The following TGFB2 variants were observed in gnomAD, a reference collection of about 807,000 sequenced individuals.
The protein encoded by TGFB2 is transforming growth factor beta 2.
A neutral mutation model predicts 42.7 loss-of-function variants in TGFB2; 13 were observed. The observed-to-expected ratio is 0.30, with a 90% CI of 0.20 to 0.48. The LOEUF (loss-of-function observed/expected upper bound fraction) is 0.48, where lower values mean the gene tolerates loss of function less well. Ranked by LOEUF, TGFB2 falls within the 20% of genes least tolerant of loss-of-function variation. The pLI is 0.99. For synonymous variants in TGFB2, 193 were observed against 193.6 expected (o/e 1.00, Z 0.03); for missense variants, 390 against 517.5 (o/e 0.75, Z 2.39).
At chr1:218,437,212 A>T in intron 5 of TGFB2, 131 bp from the exon 6 acceptor site, 1 of 908,024 alleles carries the variant, frequency 1.1e-6, no homozygotes, top group Non-Finnish European at 1.6e-6. Context: ...CTGGCCCATG[A>T]TATTTGCTCA....
chr1:218,348,080 A>AAAG (rs1553292334), intron 1 of TGFB2, among the ~76,000 whole-genome samples: 156 of 152,054 alleles, frequency 1.0e-3, no homozygotes, highest in African/African-American at 3.7e-3. Context: ...AAAAAGAAAA[A>AAAG]AAAGAAAGAA....
intron 1 of TGFB2, among the ~76,000 whole-genome samples, chr1:218,398,057 G>A (rs530920521): frequency 6.6e-6 from 1 of 152,214 alleles, no homozygotes; most frequent in African/African-American, 2.4e-5. Flanking sequence ...AAACACTAAA[G>A]CCTCCTTCTT....
intron 6 of TGFB2, 30 bp from the exon 7 acceptor site, chr1:218,441,174 T>C (rs975302232): frequency 2.5e-6 from 4 of 1,580,006 alleles, no homozygotes; most frequent in Non-Finnish European, 2.6e-6. Context: ...TCTTTCCCTA[T>C]GTTGTCTCTC....
At chr1:218,418,819 C>T (rs1422428496) in intron 2 of TGFB2, among the ~76,000 whole-genome samples, 1 of 152,156 alleles carries the variant, frequency 6.6e-6, no homozygotes, top group East Asian at 1.9e-4. Flanking sequence ...GCTACACAAG[C>T]TCTCTCTCTT....
intron 1 of TGFB2, among the ~76,000 whole-genome samples, chr1:218,355,893 A>G (rs1657016707): frequency 6.6e-6 from 1 of 152,242 alleles, no homozygotes; most frequent in African/African-American, 2.4e-5. Flanking sequence ...TGGATTTTAG[A>G]AATAATAGAA....
At chr1:218,433,429 G>A (rs566292810) in intron 2 of TGFB2, among the ~76,000 whole-genome samples, 115 of 152,324 alleles carry the variant, frequency 7.5e-4, no homozygotes, top group Non-Finnish European at 1.2e-3. Context: ...ATTCATCTAT[G>A]CACCATACCA....
At chr1:218,424,884 T>C (rs1659570859) in intron 2 of TGFB2, among the ~76,000 whole-genome samples, 1 of 152,236 alleles carries the variant, frequency 6.6e-6, no homozygotes, top group South Asian at 2.1e-4. Flanking sequence ...ACAGGTTCTG[T>C]ATATCTCCAT....
In TGFB2 at chr1:218,443,780, G is replaced by T. The variant is rs1417886410; in HGVS notation, c.*2418G>T. On this transcript the variant is annotated 3_prime_UTR_variant, in exon 7 of 7. Transcript: ENST00000366930. ...CATAAGTAAATATTGCCATGGGAGG[G>T]GGGTGGAGGTGGCAAGGAAGGGGTG... The T allele has an allele frequency of 2.6e-5, 4 of 151,598 alleles. No individual in the cohort carries two copies. Among genetic ancestry groups the T allele is most frequent in the Non-Finnish European group, 4.4e-5 (3 of 67,916 alleles). 9.4% of individuals were successfully genotyped at this position (151,598 alleles called of 1,614,324 possible).
intron 1 of TGFB2, among the ~76,000 whole-genome samples, chr1:218,395,012 T>G (rs1422936908): frequency 1.3e-5 from 2 of 152,064 alleles, no homozygotes; most frequent in Non-Finnish European, 2.9e-5. Flanking sequence ...ATGTCAGGAA[T>G]GAGGGGCCAC....
intron 3 of TGFB2, 45 bp from the exon 4 acceptor site, chr1:218,434,293 T>C: frequency 6.2e-7 from 1 of 1,612,116 alleles, no homozygotes; most frequent in Admixed American, 1.7e-5. Context: ...GATTTAAGGG[T>C]ATAGACACAC....
chr1:218,389,289 C>T (rs2102576291), intron 1 of TGFB2, among the ~76,000 whole-genome samples: 1 of 152,250 alleles, frequency 6.6e-6, no homozygotes, highest in Middle Eastern at 3.4e-3. Context: ...ACATGTTGAA[C>T]ACCTATTGTG....
intron 2 of TGFB2, among the ~76,000 whole-genome samples, chr1:218,414,079 G>A (rs766606375): frequency 1.5e-4 from 23 of 152,306 alleles, no homozygotes; most frequent in Middle Eastern, 6.8e-3. Flanking sequence ...AGGTTTCATA[G>A]TGAAAGTTCA....
intron 1 of TGFB2, among the ~76,000 whole-genome samples, chr1:218,366,312 CT>C (rs1478344274): frequency 6.6e-6 from 1 of 151,870 alleles, no homozygotes; most frequent in Non-Finnish European, 1.5e-5. Context: ...CTCTCTCTCT[CT>C]TTTTTTAGAG....
At chr1:218,421,529 AAGAG>A (rs1316708140) in intron 2 of TGFB2, among the ~76,000 whole-genome samples, 1 of 152,112 alleles carries the variant, frequency 6.6e-6, no homozygotes, top group Non-Finnish European at 1.5e-5. Flanking sequence ...TGGGGGTAAT[AAGAG>A]AGAGAAAGAA....
rs746179912 is a variant in TGFB2 at position 218,392,332 on chromosome 1, G to A, written c.347-12837G>A. ...CATGCCACTGCACTCCAGCCTGGAC[G>A]ACAGAGCAAGACTCCGTCTCAAAAC... On this transcript the variant is annotated intron_variant, in intron 1 of 6. Transcript: ENST00000366930. Among the ~76,000 whole-genome samples, 18 of 152,122 alleles carry A rather than the reference G, an allele frequency of 1.2e-4. No homozygotes were observed. The East Asian group carries it at 1.3e-3, about 11-fold the overall frequency.
At chr1:218,379,835 A>C (rs911044691) in intron 1 of TGFB2, among the ~76,000 whole-genome samples, 11 of 152,190 alleles carry the variant, frequency 7.2e-5, no homozygotes, top group African/African-American at 1.7e-4. Flanking sequence ...TAAAATATCC[A>C]ATTGCATTTA....
rs545891398 is a variant in TGFB2 at position 218,399,960 on chromosome 1, A to G, written c.347-5209A>G. Among the ~76,000 whole-genome samples the G allele has an allele frequency of 2.0e-5, 3 of 152,274 alleles. No individual in the cohort carries two copies. The East Asian group carries it at 5.8e-4, about 29-fold the overall frequency. ...GAATCCTGACAATATGACCCAATAC[A>G]TATGAGGTAGAAAATTATTTACTTC... On this transcript the variant is annotated intron_variant, in intron 1 of 6. Transcript: ENST00000366930.
At chr1:218,431,008 G>GA (rs1185216283) in intron 2 of TGFB2, among the ~76,000 whole-genome samples, 1 of 152,234 alleles carries the variant, frequency 6.6e-6, no homozygotes, top group Admixed American at 6.5e-5. Flanking sequence ...CTAAGGACTG[G>GA]ATAAGAAGAA....
At chr1:218,385,776 G>A (rs1290077105) in intron 1 of TGFB2, among the ~76,000 whole-genome samples, 1 of 152,202 alleles carries the variant, frequency 6.6e-6, no homozygotes, top group Non-Finnish European at 1.5e-5. Context: ...TCCCCTTGGA[G>A]GAAAACTGAA....
Sources: allele counts gnomAD v4.1 joint callset (sites outside exome capture counted in the v4.1 genomes callset), GRCh38; gene constraint gnomAD v4.1.1; transcripts MANE v1.5; gene names NCBI Gene and HGNC (gene_info 2026-07-23, HGNC 2026-07-21).